The following PIP4P2 variants were observed in gnomAD, a reference collection of about 807,000 sequenced individuals.
PIP4P2 encodes the protein phosphatidylinositol-4,5-bisphosphate 4-phosphatase 2, also known as type 2 phosphatidylinositol 4,5-bisphosphate 4-phosphatase.
PIP4P2 carries 19 observed loss-of-function variants against 33.3 expected under a neutral mutation model. The observed-to-expected ratio is 0.57, with a 90% CI of 0.40 to 0.84. The LOEUF (loss-of-function observed/expected upper bound fraction) is 0.84, where lower values mean the gene tolerates loss of function less well. Among genes scored for constraint, PIP4P2 ranks in the 40% least tolerant of loss-of-function variants. PIP4P2 has a pLI of 0.00. For missense variants in PIP4P2, 270 were observed against 324.7 expected (o/e 0.83, Z 1.29); for synonymous variants, 110 against 111.9 (o/e 0.98, Z 0.11).
At chr8:91,014,399 A>T (rs1811883456) in intron 4 of PIP4P2, among the ~76,000 whole-genome samples, 1 of 152,208 alleles carries the variant, frequency 6.6e-6, no homozygotes, top group Non-Finnish European at 1.5e-5. Context: ...CATACAATGA[A>T]ATATTATTTA....
intron 1 of PIP4P2, among the ~76,000 whole-genome samples, chr8:91,034,437 A>G (rs977488750): frequency 1.3e-5 from 2 of 152,168 alleles, no homozygotes; most frequent in Admixed American, 6.5e-5. Flanking sequence ...CTATTTCACC[A>G]ATGTGTGGGC....
At chr8:90,996,367 G>T (rs1811628779) in intron 6 of PIP4P2, among the ~76,000 whole-genome samples, 2 of 151,932 alleles carry the variant, frequency 1.3e-5, no homozygotes, top group Admixed American at 6.6e-5. Context: ...AATTAGTTCT[G>T]GCACTGATTT....
chr8:91,007,351 G>A (rs1811777162), intron 5 of PIP4P2, among the ~76,000 whole-genome samples: 1 of 152,204 alleles, frequency 6.6e-6, no homozygotes, highest in African/African-American at 2.4e-5. Flanking sequence ...ATCTAGCAGA[G>A]ATGGAGATAT....
At chr8:91,020,369 T>C (rs144540267) in intron 2 of PIP4P2, 106 bp from the exon 3 acceptor site, 1 of 980,016 alleles carries the variant, frequency 1.0e-6, no homozygotes, top group African/African-American at 1.6e-5. Context: ...TAATGAAATA[T>C]ATTGCTTTTG....
At chr8:91,012,494 T>C (rs1279952265) in intron 4 of PIP4P2, among the ~76,000 whole-genome samples, 4 of 152,118 alleles carry the variant, frequency 2.6e-5, no homozygotes, top group African/African-American at 9.6e-5. Flanking sequence ...TTCATAATAC[T>C]GAGCATCTCT....
At chr8:91,014,724 TAAG>T (rs1440539672) in intron 4 of PIP4P2, among the ~76,000 whole-genome samples, 2 of 149,022 alleles carry the variant, frequency 1.3e-5, no homozygotes, top group Non-Finnish European at 3.0e-5. Flanking sequence ...TGAAATTTAT[TAAG>T]AAGGTAGATC....
At chr8:90,996,821 T>C (rs1811635048) in intron 5 of PIP4P2, 77 bp from the exon 6 acceptor site, 1 of 1,149,918 alleles carries the variant, frequency 8.7e-7, no homozygotes, top group Non-Finnish European at 1.2e-6. Context: ...TGAGTTCTTA[T>C]CTATGGCTTT....
intron 1 of PIP4P2, among the ~76,000 whole-genome samples, chr8:91,027,549 T>G (rs182946798): frequency 1.1e-4 from 17 of 152,316 alleles, no homozygotes; most frequent in Non-Finnish European, 2.1e-4. Context: ...ATAAAATAAT[T>G]GCAACATTTT....
At chr8:91,022,596 T>C (rs1435375081) in intron 1 of PIP4P2, among the ~76,000 whole-genome samples, 3 of 152,126 alleles carry the variant, frequency 2.0e-5, no homozygotes, top group African/African-American at 7.2e-5. Flanking sequence ...TGTAACACTA[T>C]AAAATATAAT....
At chr8:91,003,444 T>G (rs1438322604) in intron 5 of PIP4P2, among the ~76,000 whole-genome samples, 1 of 152,152 alleles carries the variant, frequency 6.6e-6, no homozygotes, top group Admixed American at 6.6e-5. Context: ...CACTAATATT[T>G]CTTGGTTGGT....
rs536332463 is a variant in PIP4P2, at chr8:90,996,241, T to G, written c.630+413A>C. Among the ~76,000 whole-genome samples the G allele has an allele frequency of 2.0e-5, 3 of 152,218 alleles. No individual in the cohort carries two copies. In the South Asian group the frequency reaches 6.2e-4, roughly 32 times the overall value. Reference sequence around the variant, plus strand: ...TCCAGTCTTCTCTAAAAACAAGCCATCCTCATATTGGTAATAAATCTCTGC... The same window carrying G: ...TCCAGTCTTCTCTAAAAACAAGCCAGCCTCATATTGGTAATAAATCTCTGC... On this transcript the variant is annotated intron_variant, in intron 6 of 6. Transcript: ENST00000285419.
chr8:91,003,592 G>C (rs1433778476), intron 5 of PIP4P2, among the ~76,000 whole-genome samples: 3 of 152,052 alleles, frequency 2.0e-5, no homozygotes, highest in African/African-American at 4.8e-5. Context: ...TGGGAATGCT[G>C]GGTCAGGTTG....
chr8:91,020,494 A>C (rs1433943280), intron 2 of PIP4P2, among the ~76,000 whole-genome samples: 1 of 152,190 alleles, frequency 6.6e-6, no homozygotes, highest in Non-Finnish European at 1.5e-5. Flanking sequence ...GTCTTTTCTA[A>C]AGAGAAAAAA....
chr8:91,009,544 T>C (rs1250688291), intron 4 of PIP4P2, among the ~76,000 whole-genome samples: 1 of 152,002 alleles, frequency 6.6e-6, no homozygotes, highest in Non-Finnish European at 1.5e-5. Context: ...AAAGGGTATA[T>C]TTCCTTGATA....
At chr8:91,017,605 A>C (rs1416797590) in intron 4 of PIP4P2, among the ~76,000 whole-genome samples, 1 of 152,118 alleles carries the variant, frequency 6.6e-6, no homozygotes, top group East Asian at 1.9e-4. Flanking sequence ...CAAATAAAAA[A>C]AAGCAAACCA....
intron 5 of PIP4P2, among the ~76,000 whole-genome samples, chr8:90,997,506 T>C (rs1289021674): frequency 1.3e-5 from 2 of 152,122 alleles, no homozygotes; most frequent in East Asian, 1.9e-4. Flanking sequence ...TAATACATAC[T>C]GCTAAAAGCC....
At chr8:91,033,329 T>A (rs2130381901) in intron 1 of PIP4P2, among the ~76,000 whole-genome samples, 1 of 152,340 alleles carries the variant, frequency 6.6e-6, no homozygotes, top group South Asian at 2.1e-4. Context: ...TCCTCCTGTT[T>A]GCCTATCTCA....
intron 1 of PIP4P2, among the ~76,000 whole-genome samples, chr8:91,022,040 C>G (rs1586182498): frequency 6.6e-6 from 1 of 152,040 alleles, no homozygotes; most frequent in African/African-American, 2.4e-5. Context: ...AATTTTTAGT[C>G]TCAAAATTTA....
intron 4 of PIP4P2, among the ~76,000 whole-genome samples, chr8:91,015,410 C>T (rs1811901725): frequency 6.6e-6 from 1 of 152,054 alleles, no homozygotes; most frequent in South Asian, 2.1e-4. Flanking sequence ...CATAGAGACT[C>T]CAATCAGTGA....
Sources: allele counts gnomAD v4.1 joint callset (sites outside exome capture counted in the v4.1 genomes callset), GRCh38; gene constraint gnomAD v4.1.1; transcripts MANE v1.5; gene names NCBI Gene and HGNC (gene_info 2026-07-23, HGNC 2026-07-21).